The following KANSL3 variants were observed in gnomAD, a reference collection of about 807,000 sequenced individuals.
KANSL3 encodes the protein NSL complex protein NSL3.
A neutral mutation model predicts 89.2 loss-of-function variants in KANSL3; 16 were observed. The ratio of observed to expected loss-of-function variants is 0.18; its 90% CI spans 0.12 to 0.27. KANSL3 has a LOEUF of 0.27. Ranked by LOEUF, KANSL3 falls within the 10% of genes least tolerant of loss-of-function variation. KANSL3 has a pLI of 1.00. For missense variants in KANSL3, 879 were observed against 1,110.6 expected, an observed-to-expected ratio of 0.79 and a Z score of 2.96; for synonymous variants, 385 against 419.7, an observed-to-expected ratio of 0.92 and a Z score of 1.01.
rs1231509138 is a variant in KANSL3, at chr2:96,612,328, G to T, written c.1040C>A (p.Pro347His). The change falls in exon 9 of 21, where the codon CCC (proline) becomes CAC (histidine). Residue 347 changes from proline to histidine, a missense_variant. Physicochemically the swap from Pro to His is moderately conservative, Grantham distance 77. Transcript: ENST00000431828. ...TGTGTTCCAGCCAATCAAGATAATG[G>T]GTTTGTGTGGGAAATGGCTGTGAAT... ...LEIHSHFPHK[P>H]IILIGWNTGA... 1 of 1,613,586 alleles carries T rather than the reference G, an allele frequency of 6.2e-7. No individual in the cohort carries two copies. Among genetic ancestry groups the T allele is most frequent in the Non-Finnish European group, 8.5e-7 (1 of 1,179,708 alleles).
At chr2:96,583,067 A>G in the KANSL3 span, among the ~76,000 whole-genome samples, 1 of 152,208 alleles carries the variant, frequency 6.6e-6, no homozygotes, top group African/African-American at 2.4e-5. Context: ...AGCTGGACAG[A>G]ATGGTTACAG....
At chr2:96,585,859 G>A in the KANSL3 span, among the ~76,000 whole-genome samples, 10 of 152,168 alleles carry the variant, frequency 6.6e-5, 1 homozygote, top group South Asian at 6.2e-4. Flanking sequence ...AAGTAACTCA[G>A]GAATGGAAAT....
intron 17 of KANSL3, chr2:96,603,967 T>C (rs1461553432): frequency 1.8e-5 from 5 of 280,732 alleles, no homozygotes; most frequent in Non-Finnish European, 6.6e-6. Flanking sequence ...ACTATACATA[T>C]ATGTCCTATC....
At position 96,638,190 on chromosome 2, in the gene KANSL3, G is replaced by C. The variant is rs529913623; in HGVS notation, c.-51+93C>G. The C allele has an allele frequency of 1.7e-4, 26 of 151,798 alleles. No homozygotes were observed. The East Asian group carries it at 5.1e-3, about 30-fold the overall frequency. The allele number at this position is 151,798 out of a possible 1,614,324, so 9.4% of individuals were successfully genotyped here. On this transcript the variant is annotated intron_variant, in intron 1 of 20. Coordinates refer to ENST00000431828, the MANE Select transcript of KANSL3 (RefSeq NM_001115016.3). ...GCCCGGGCCCCCGCATGCCCCGGGA[G>C]CCCTGAAGCCCTCGCCGAGACCCCC...
chr2:96,619,596 G>A, intron 4 of KANSL3, 52 bp from the exon 5 acceptor site: 2 of 1,604,836 alleles, frequency 1.2e-6, no homozygotes, highest in Non-Finnish European at 1.7e-6. Context: ...TGGTTAACAA[G>A]CAGGGGGACA....
rs554399301 is a variant in KANSL3 at position 96,619,599 on chromosome 2, G to A, written c.478-55C>T. 38 of 1,607,610 alleles carry A rather than the reference G, an allele frequency of 2.4e-5. No homozygotes were observed. The East Asian group carries it at 8.5e-4, about 36-fold the overall frequency. On this transcript the variant is annotated intron_variant, in intron 4 of 20. Coordinates refer to ENST00000431828, the MANE Select transcript of KANSL3 (RefSeq NM_001115016.3). The stretch of plus-strand genomic sequence containing the variant: ...ATGAGGACTACCTGGTTAACAAGCA[G>A]GGGGACAAGTCAGTCAGCCAGTGAG...
chr2:96,631,699 AG>A (rs1178035133), intron 2 of KANSL3, among the ~76,000 whole-genome samples: 1 of 152,102 alleles, frequency 6.6e-6, no homozygotes, highest in Non-Finnish European at 1.5e-5. Flanking sequence ...AAGAACACAA[AG>A]TCATTTTTTC....
rs2073353474 is a variant in KANSL3, at chr2:96,631,342, G to A, written c.356C>T (p.Pro119Leu). The change falls in exon 3 of 21, where the codon CCA (proline) becomes CTA (leucine). Residue 119 changes from proline (P) to leucine (L), a missense_variant. Physicochemically the swap from Pro to Leu is moderately conservative, Grantham distance 98. Around this residue, in one of 6 missense-constraint regions of KANSL3, gnomAD observed 210 missense variants for 311.9 expected, o/e 0.67. Coordinates refer to ENST00000431828, the MANE Select transcript of KANSL3 (RefSeq NM_001115016.3). ...FARTDADAPPPPEDWEEHVNR... is the reference protein window; with the variant it reads ...FARTDADAPPLPEDWEEHVNR... Reference sequence around the variant, plus strand: ...GACATGCTCCTCCCAGTCCTCTGGTGGAGGAGGGGCATCTGCATCAGTCCT... The same window carrying A: ...GACATGCTCCTCCCAGTCCTCTGGTAGAGGAGGGGCATCTGCATCAGTCCT... 1 of 1,613,196 alleles carries A rather than the reference G, an allele frequency of 6.2e-7. No individual in the cohort carries two copies. Among genetic ancestry groups the A allele is most frequent in the African/African-American group, 1.3e-5 (1 of 75,034 alleles).
chr2:96,610,945 C>T, intron 10 of KANSL3, 62 bp from the exon 11 acceptor site: 3 of 1,596,392 alleles, frequency 1.9e-6, no homozygotes, highest in Non-Finnish European at 2.6e-6. Context: ...GACCCAGAAA[C>T]TCCACTAAGG....
At position 96,601,733 on chromosome 2, in the gene KANSL3, C is replaced by G; in HGVS notation, c.2526G>C (p.Gln842His). ...PTTITLTLRG[Q>H]PSRITTLSPM... ...GGCTCAGTGTAGTGATCCTGCTCGG[C>G]TGGCCACGAAGTGTCAGAGTAATGG... is the stretch of plus-strand genomic sequence containing the variant. The change falls in exon 20 of 21, where the codon CAG (glutamine) becomes CAC (histidine). Residue 842 changes from glutamine to histidine, a missense_variant. Coordinates refer to ENST00000431828, the MANE Select transcript of KANSL3 (RefSeq NM_001115016.3). The G allele has an allele frequency of 1.3e-6, 2 of 1,598,472 alleles. No homozygotes were observed. Among genetic ancestry groups the G allele is most frequent in the South Asian group, 2.3e-5 (2 of 88,602 alleles).
rs2104807611 is a variant in KANSL3, at chr2:96,595,408, C to T, written c.*203G>A. On this transcript the variant is annotated 3_prime_UTR_variant, in exon 21 of 21. Coordinates refer to ENST00000431828, the MANE Select transcript of KANSL3 (RefSeq NM_001115016.3). ...GTTCCCAGGAACCAGATTTGCAGAT[C>T]CTGGACGATGGTGCTTCCCTTGCTG... 3.7e-6 allele frequency: 2 copies of T among 545,326 alleles called. No homozygotes were observed. The highest frequency in any genetic ancestry group is 6.1e-5 in the East Asian group (2 of 32,646). 33.8% of individuals were successfully genotyped at this position (545,326 alleles called of 1,614,324 possible).
intron 9 of KANSL3, 151 bp downstream of exon 9, chr2:96,612,131 T>C: frequency 1.6e-6 from 1 of 628,892 alleles, no homozygotes; most frequent in South Asian, 2.0e-5. Context: ...AAAAATTGTT[T>C]TAATAAAATT....
chr2:96,586,157 G>A, the KANSL3 span, among the ~76,000 whole-genome samples: 14 of 151,648 alleles, frequency 9.2e-5, no homozygotes, highest in Non-Finnish European at 1.3e-4. Context: ...CCCGGGAGGC[G>A]GAGCTTGCAG....
chr2:96,624,206 T>C (rs1186162765), intron 3 of KANSL3, among the ~76,000 whole-genome samples: 1 of 152,182 alleles, frequency 6.6e-6, no homozygotes, highest in African/African-American at 2.4e-5. Flanking sequence ...CATTATCCTG[T>C]TTTCTGTCCA....
At chr2:96,615,251 A>G (rs997343374) in intron 5 of KANSL3, 1 of 157,162 alleles carries the variant, frequency 6.4e-6, no homozygotes, top group African/African-American at 2.5e-5. Flanking sequence ...ACAGATTTCT[A>G]TGTTCCCTAA....
intron 15 of KANSL3, 96 bp from the exon 16 acceptor site, chr2:96,604,959 C>A: frequency 1.0e-6 from 1 of 975,486 alleles, no homozygotes; most frequent in Non-Finnish European, 1.5e-6. Context: ...ATATTACGGA[C>A]GAAAACTGGA....
chr2:96,635,839 C>T (rs2074157262), intron 2 of KANSL3, among the ~76,000 whole-genome samples: 1 of 151,994 alleles, frequency 6.6e-6, no homozygotes, highest in Non-Finnish European at 1.5e-5. Flanking sequence ...ACTAAAAATA[C>T]AAAAATTAGC....
Position 96,605,427 on chromosome 2 carries a change from AGGG to A in KANSL3, c.1823_1825del (p.Pro608del). On this transcript the variant is annotated inframe_deletion, in exon 15 of 21. Coordinates refer to ENST00000431828, the MANE Select transcript of KANSL3 (RefSeq NM_001115016.3). ...TCGTTTGGAGGTCTTACTGCCAGGAAGGGGACTCGAGGGATGGTGTCGCTTCAG... is the reference window on the plus strand; with the variant it reads ...TCGTTTGGAGGTCTTACTGCCAGGAAGACTCGAGGGATGGTGTCGCTTCAG... The A allele has an allele frequency of 1.9e-6, 3 of 1,613,994 alleles. No individual in the cohort carries two copies. The highest frequency in any genetic ancestry group is 2.5e-6 in the Non-Finnish European group (3 of 1,179,852).
At chr2:96,590,338 G>C (rs1470411623), downstream of KANSL3, among the ~76,000 whole-genome samples, 1 of 151,544 alleles carries the variant, frequency 6.6e-6, no homozygotes, top group African/African-American at 2.4e-5. Flanking sequence ...CTGTTGCTCA[G>C]ATTGAGTACC....
Sources: gnomAD v4.1 joint callset for allele counts (sites outside exome capture counted in the v4.1 genomes callset) on GRCh38, gnomAD v4.1.1 for gene constraint, gnomAD v4.1.1 regional missense constraint, MANE v1.5 for transcripts, NCBI Gene and HGNC (gene_info 2026-07-23, HGNC 2026-07-21) for gene names.